GOLGA4: variants seen among roughly 807,000 people sequenced by gnomAD.
The protein encoded by GOLGA4 is golgin subfamily A member 4.
A neutral mutation model predicts 265.9 loss-of-function variants in GOLGA4; 169 were observed. The ratio of observed to expected loss-of-function variants is 0.64; its 90% confidence interval spans 0.56 to 0.72. GOLGA4 has a LOEUF of 0.72. Ranked by LOEUF, GOLGA4 falls within the 30% of genes least tolerant of loss-of-function variation. The probability of loss-of-function intolerance (pLI) is 0.00; values close to 1 mark genes in which losing one functional copy is unlikely to be tolerated. For synonymous variants in GOLGA4, 923 were observed against 855.8 expected, an observed-to-expected ratio of 1.08 and a Z score of -1.37; for missense variants, 2,482 against 2,483.4, an observed-to-expected ratio of 1.00 and a Z score of 0.01.
At chr3:37,272,424 C>G (rs1176847586) in intron 2 of GOLGA4, among the ~76,000 whole-genome samples, 1 of 152,110 alleles carries the variant, frequency 6.6e-6, no homozygotes, top group African/African-American at 2.4e-5. Flanking sequence ...GTAGTCCCAG[C>G]TACTGAGGAG....
At chr3:37,273,514 A>C in intron 2 of GOLGA4, 1 of 1,387,816 alleles carries the variant, frequency 7.2e-7, no homozygotes, top group Non-Finnish European at 9.9e-7. Flanking sequence ...TTTGCTTTAC[A>C]ATGTTTCTTT....
chr3:37,272,829 TCTAA>T (rs2096802436), intron 2 of GOLGA4, among the ~76,000 whole-genome samples: 1 of 152,210 alleles, frequency 6.6e-6, no homozygotes, highest in Non-Finnish European at 1.5e-5. Context: ...CTTCTATAGT[TCTAA>T]CTAATTTTAG....
chr3:37,353,753 C>T (rs1407070847), intron 21 of GOLGA4, among the ~76,000 whole-genome samples: 1 of 151,830 alleles, frequency 6.6e-6, no homozygotes, highest in Admixed American at 6.6e-5. Flanking sequence ...ATAATCCTGG[C>T]TAATTTTTAA....
intron 2 of GOLGA4, among the ~76,000 whole-genome samples, chr3:37,256,957 A>C (rs1272641666): frequency 6.6e-6 from 1 of 152,108 alleles, no homozygotes; most frequent in African/African-American, 2.4e-5. Flanking sequence ...TAACCATTTA[A>C]AGCAAACAAT....
intron 2 of GOLGA4, among the ~76,000 whole-genome samples, chr3:37,279,934 T>C (rs2096830250): frequency 2.0e-5 from 3 of 151,572 alleles, no homozygotes; most frequent in African/African-American, 7.3e-5. Context: ...TAAAAAGCCA[T>C]CCTGCAGAAT....
At chr3:37,350,679 T>G (rs1302559758) in intron 21 of GOLGA4, among the ~76,000 whole-genome samples, 1 of 152,152 alleles carries the variant, frequency 6.6e-6, no homozygotes, top group Non-Finnish European at 1.5e-5. Context: ...GGTTCAGTTC[T>G]AGACCACTGC....
intron 2 of GOLGA4, among the ~76,000 whole-genome samples, chr3:37,275,492 A>G (rs2096814060): frequency 2.0e-5 from 3 of 152,190 alleles, no homozygotes; most frequent in Admixed American, 2.0e-4. Flanking sequence ...CAGTCTAAAC[A>G]GCACTGTACA....
chr3:37,330,124 GA>G (rs750759525), intron 16 of GOLGA4, among the ~76,000 whole-genome samples: 2,968 of 141,594 alleles, frequency 0.021, 36 homozygotes, highest in Non-Finnish European at 0.03. Flanking sequence ...TGTGCTAAAT[GA>G]AAAAAAAAAA....
intron 9 of GOLGA4, among the ~76,000 whole-genome samples, chr3:37,299,820 C>T (rs1001661224): frequency 2.7e-5 from 4 of 150,744 alleles, no homozygotes; most frequent in African/African-American, 4.9e-5. Context: ...GAGGCTGAGG[C>T]GGGAGGATTG....
At chr3:37,332,559 T>C (rs965468989) in intron 16 of GOLGA4, among the ~76,000 whole-genome samples, 2 of 152,118 alleles carry the variant, frequency 1.3e-5, no homozygotes, top group Non-Finnish European at 2.9e-5. Context: ...TAATTTTTAT[T>C]TAGAAAAATT....
chr3:37,290,781 T>C (rs2096862513), intron 5 of GOLGA4, among the ~76,000 whole-genome samples: 1 of 152,188 alleles, frequency 6.6e-6, no homozygotes, highest in African/African-American at 2.4e-5. Context: ...ATTAGGCGTA[T>C]GCAACAAAGG....
chr3:37,350,484 G>A (rs1483137129), intron 21 of GOLGA4, among the ~76,000 whole-genome samples: 1 of 152,038 alleles, frequency 6.6e-6, no homozygotes, highest in Non-Finnish European at 1.5e-5. Context: ...TTAGAGAAAT[G>A]CTTCCTATAA....
intron 4 of GOLGA4, among the ~76,000 whole-genome samples, chr3:37,286,948 A>G (rs1033180259): frequency 1.8e-4 from 28 of 152,226 alleles, no homozygotes; most frequent in African/African-American, 6.5e-4. Context: ...TGCATTGGCT[A>G]TGGAAATTTC....
At chr3:37,320,605 T>C (rs1008163972) in intron 12 of GOLGA4, among the ~76,000 whole-genome samples, 7 of 152,216 alleles carry the variant, frequency 4.6e-5, no homozygotes, top group Non-Finnish European at 8.8e-5. Flanking sequence ...TAAAGCATTT[T>C]ACAAGAATTC....
rs2096742794 is a variant in GOLGA4, at chr3:37,254,460, T to A, written c.162+2976T>A. 2.0e-5 allele frequency among the ~76,000 whole-genome samples: 3 copies of A among 152,134 alleles called. No homozygotes were observed. In the South Asian group the frequency reaches 6.2e-4, roughly 31 times the overall value. ...TAAAGGTTTTTTTGTTTGTTTTTTG[T>A]TTTTTTAATTGTTTTGTTTTAAAGA... is the stretch of plus-strand genomic sequence containing the variant. On this transcript the variant is annotated intron_variant, in intron 2 of 23. Transcript: ENST00000361924.
chr3:37,366,655 G>C lies in GOLGA4; in HGVS notation c.*609G>C, dbSNP rs769945073. On this transcript the variant is annotated 3_prime_UTR_variant, in exon 24 of 24. Coordinates refer to ENST00000361924, the MANE Select transcript of GOLGA4 (RefSeq NM_002078.5). ...AGGAAAAAACACTACTGTAAATTGT[G>C]AATAGCCAATACATAACTGTATTGT... 6.6e-6 allele frequency: 1 copy of C among 152,640 alleles called. No homozygotes were observed. The highest frequency in any genetic ancestry group is 1.5e-5 in the Non-Finnish European group (1 of 68,056). 9.5% of individuals were successfully genotyped at this position (152,640 alleles called of 1,614,324 possible).
At position 37,251,387 on chromosome 3, in the gene GOLGA4, A is replaced by C. The variant is rs574476466; in HGVS notation, c.73-8A>C. 3.8e-6 allele frequency: 6 copies of C among 1,590,892 alleles called. No homozygotes were observed. In the African/African-American group the frequency reaches 8.1e-5, roughly 21 times the overall value. The stretch of plus-strand genomic sequence containing the variant: ...CTTGCTAATTTGTGCAATAATTTTT[A>C]AATCTAGGCGTCCTCCAATTCTTCA... On this transcript the variant is annotated splice_polypyrimidine_tract_variant and splice_region_variant and intron_variant, in intron 1 of 23. Coordinates refer to ENST00000361924, the MANE Select transcript of GOLGA4 (RefSeq NM_002078.5).
chr3:37,310,222 C>G (rs959120708), intron 10 of GOLGA4, among the ~76,000 whole-genome samples: 2 of 152,076 alleles, frequency 1.3e-5, no homozygotes, highest in Non-Finnish European at 2.9e-5. Flanking sequence ...GTGAAGTGTT[C>G]TCTGGGGCAG....
chr3:37,306,759 A>G (rs1559407504), intron 10 of GOLGA4, among the ~76,000 whole-genome samples: 1 of 152,052 alleles, frequency 6.6e-6, no homozygotes, highest in African/African-American at 2.4e-5. Flanking sequence ...GTGTTGCTAA[A>G]GTTAATATAT....
Sources: allele counts gnomAD v4.1 joint callset (sites outside exome capture counted in the v4.1 genomes callset), GRCh38; gene constraint gnomAD v4.1.1; transcripts MANE v1.5; gene names NCBI Gene and HGNC (gene_info 2026-07-23, HGNC 2026-07-21).